The following ADIPOR2 variants were observed in gnomAD, a reference collection of about 807,000 sequenced individuals.
ADIPOR2 encodes the protein adiponectin receptor 2.
Under a neutral mutation model 40.9 loss-of-function variants are expected in ADIPOR2, and 18 were observed. The ratio of observed to expected loss-of-function variants is 0.44; its 90% CI spans 0.30 to 0.65. ADIPOR2 has a LOEUF of 0.65. Among genes scored for constraint, ADIPOR2 ranks in the 30% least tolerant of loss-of-function variants. The pLI is 0.09. For synonymous variants in ADIPOR2, 165 were observed against 166.4 expected, an observed-to-expected ratio of 0.99 and a Z score of 0.06; for missense variants, 283 against 479.2, an observed-to-expected ratio of 0.59 and a Z score of 3.82.
chr12:1,752,157 C>T (rs1190804548), intron 1 of ADIPOR2, among the ~76,000 whole-genome samples: 2 of 146,782 alleles, frequency 1.4e-5, no homozygotes, highest in Non-Finnish European at 3.0e-5. Context: ...TCTAGATCTT[C>T]TGACCTTGTG....
intron 1 of ADIPOR2, among the ~76,000 whole-genome samples, chr12:1,745,272 G>A (rs1411529715): frequency 1.3e-5 from 2 of 152,112 alleles, no homozygotes; most frequent in African/African-American, 4.8e-5. Flanking sequence ...CACTGGTAAA[G>A]TCATGTTTCA....
At chr12:1,729,646 G>GGT (rs2094715841) in intron 1 of ADIPOR2, among the ~76,000 whole-genome samples, 2 of 118,006 alleles carry the variant, frequency 1.7e-5, no homozygotes, top group Admixed American at 8.5e-5. Context: ...TTTTTTGAGT[G>GGT]TTTTTTTTTG....
chr12:1,762,462 A>G (rs1862290482), intron 2 of ADIPOR2, among the ~76,000 whole-genome samples: 1 of 152,158 alleles, frequency 6.6e-6, no homozygotes, highest in South Asian at 2.1e-4. Flanking sequence ...GGCATATAAC[A>G]AATAGTTGTT....
At chr12:1,700,817 G>A (rs926214582) in intron 1 of ADIPOR2, among the ~76,000 whole-genome samples, 2 of 149,342 alleles carry the variant, frequency 1.3e-5, no homozygotes, top group Admixed American at 1.3e-4. Flanking sequence ...AAAAAGGTGA[G>A]GGCTAAGCAT....
intron 2 of ADIPOR2, among the ~76,000 whole-genome samples, chr12:1,755,507 C>A (rs573890452): frequency 6.6e-6 from 1 of 152,180 alleles, no homozygotes; most frequent in Non-Finnish European, 1.5e-5. Context: ...TGGAGAAATT[C>A]GAATTGCGTG....
At chr12:1,747,335 T>G (rs2094757764) in intron 1 of ADIPOR2, among the ~76,000 whole-genome samples, 1 of 152,152 alleles carries the variant, frequency 6.6e-6, no homozygotes, top group Non-Finnish European at 1.5e-5. Context: ...ATGTGGAAAT[T>G]AACACACTTA....
chr12:1,717,852 C>T (rs1295359351), intron 1 of ADIPOR2, among the ~76,000 whole-genome samples: 1 of 151,998 alleles, frequency 6.6e-6, no homozygotes, highest in African/African-American at 2.4e-5. Flanking sequence ...TTGTTTAGTT[C>T]ATTGCTGGAT....
chr12:1,722,499 G>T (rs908513986), intron 1 of ADIPOR2, among the ~76,000 whole-genome samples: 1 of 152,152 alleles, frequency 6.6e-6, no homozygotes, highest in Non-Finnish European at 1.5e-5. Flanking sequence ...GCTAGATTTG[G>T]TAAGTGACCT....
chr12:1,709,976 C>G lies in ADIPOR2; in HGVS notation c.-87+18785C>G, dbSNP rs537361508. On this transcript the variant is annotated intron_variant, in intron 1 of 7. Transcript: ENST00000357103. ...TGTCTTTGATAGTATTTCTGTTCATCCTGCCTAGAAGATTGTGTTCTCACA... is the reference window on the plus strand; with the variant it reads ...TGTCTTTGATAGTATTTCTGTTCATGCTGCCTAGAAGATTGTGTTCTCACA... 3.3e-5 allele frequency among the ~76,000 whole-genome samples: 5 copies of G among 152,284 alleles called. No homozygotes were observed. In the South Asian group the frequency reaches 1.0e-3, roughly 32 times the overall value.
intron 1 of ADIPOR2, among the ~76,000 whole-genome samples, chr12:1,724,189 GC>G (rs2094703350): frequency 6.6e-6 from 1 of 152,040 alleles, no homozygotes; most frequent in African/African-American, 2.4e-5. Flanking sequence ...CACTGTGTTG[GC>G]CAGGCTGGTC....
chr12:1,780,283 G>T, intron 4 of ADIPOR2, 168 bp from the exon 5 acceptor site: 1 of 610,072 alleles, frequency 1.6e-6, no homozygotes, highest in Non-Finnish European at 2.6e-6. Context: ...AACAATGTTG[G>T]AAGTAAACCA....
At chr12:1,776,491 A>G (rs1421304190) in intron 3 of ADIPOR2, among the ~76,000 whole-genome samples, 34 of 152,198 alleles carry the variant, frequency 2.2e-4, no homozygotes, top group Admixed American at 2.2e-3. Context: ...AAGATAAACC[A>G]TGTGCCTGCC....
chr12:1,728,679 G>A (rs1162937399), intron 1 of ADIPOR2, among the ~76,000 whole-genome samples: 1 of 151,856 alleles, frequency 6.6e-6, no homozygotes, highest in Admixed American at 6.6e-5. Flanking sequence ...AGCCAAGATG[G>A]CGCCATTGCA....
intron 2 of ADIPOR2, among the ~76,000 whole-genome samples, chr12:1,761,652 C>G (rs542304468): frequency 1.3e-5 from 2 of 152,300 alleles, no homozygotes; most frequent in East Asian, 3.9e-4. Context: ...TAAGTATTAA[C>G]CTCTTTGAGG....
chr12:1,786,030 T>C lies in ADIPOR2; in HGVS notation c.1119T>C (p.Arg373=). ...GTGTCTCAAACCTCCAGGAGTTTCG[T>C]TTCATGATCGGCGGGGGCTGCAGTG... ...FHGVSNLQEF[R]FMIGGGCSEE... is the part of the protein sequence containing the mutation. Residue 373 remains arginine, a synonymous_variant, in exon 8 of 8, where the codon CGT becomes CGC. Transcript: ENST00000357103. The C allele has an allele frequency of 5.0e-6, 8 of 1,614,142 alleles. No homozygotes were observed. Among genetic ancestry groups the C allele is most frequent in the Non-Finnish European group, 6.8e-6 (8 of 1,180,018 alleles).
At position 1,780,753 on chromosome 12, in the gene ADIPOR2, T is replaced by A. The variant is rs200439501; in HGVS notation, c.650+116T>A. ...ATCATCTCATGCAAACTTTTTTTTT[T>A]TTAAAAATTAAAGAGCAACCCAGTT... On this transcript the variant is annotated intron_variant, in intron 5 of 7. Coordinates refer to ENST00000357103, the MANE Select transcript of ADIPOR2 (RefSeq NM_024551.3). 2,684 of 1,340,892 alleles carry A rather than the reference T, an allele frequency of 2.0e-3. 8 individuals carry two copies. The highest frequency in any genetic ancestry group is 0.011 in the African/African-American group (745 of 67,232). The allele number at this position is 1,340,892 out of a possible 1,614,324, so 83.1% of individuals were successfully genotyped here.
At chr12:1,771,398 A>C (rs979582603) in intron 2 of ADIPOR2, among the ~76,000 whole-genome samples, 3 of 152,194 alleles carry the variant, frequency 2.0e-5, no homozygotes, top group Non-Finnish European at 2.9e-5. Flanking sequence ...AAACTAAAAA[A>C]AAAAAAAGGT....
chr12:1,741,896 T>C (rs1047245754), intron 1 of ADIPOR2, among the ~76,000 whole-genome samples: 1 of 152,134 alleles, frequency 6.6e-6, no homozygotes, highest in Non-Finnish European at 1.5e-5. Flanking sequence ...CATAAAATAA[T>C]GTTAGCTAAA....
intron 2 of ADIPOR2, among the ~76,000 whole-genome samples, chr12:1,769,429 C>G (rs1422124804): frequency 1.3e-5 from 2 of 152,166 alleles, no homozygotes; most frequent in East Asian, 1.9e-4. Context: ...TAATTATGGT[C>G]TAGTATTTTA....
Sources: allele counts gnomAD v4.1 joint callset (sites outside exome capture counted in the v4.1 genomes callset), GRCh38; gene constraint gnomAD v4.1.1; transcripts MANE v1.5; gene names NCBI Gene and HGNC (gene_info 2026-07-23, HGNC 2026-07-21).